SLC9A9: variants seen among roughly 807,000 people sequenced by gnomAD.
The protein encoded by SLC9A9 is sodium/hydrogen exchanger 9.
A neutral mutation model predicts 77.8 loss-of-function variants in SLC9A9; 62 were observed. The observed-to-expected ratio is 0.80, with a 90% CI of 0.65 to 0.98. The LOEUF (loss-of-function observed/expected upper bound fraction) is 0.98, where lower values mean the gene tolerates loss of function less well. Ranked by LOEUF, SLC9A9 falls within the 50% of genes least tolerant of loss-of-function variation. SLC9A9 has a pLI of 0.00. For synonymous variants in SLC9A9, 320 were observed against 283.5 expected (o/e 1.13, Z -1.29); for missense variants, 775 against 774.9 (o/e 1.00, Z 0.00).
At chr3:143,627,312 G>T in intron 6 of SLC9A9, 1 of 201,666 alleles carries the variant, frequency 5.0e-6, no homozygotes, top group African/African-American at 2.3e-5. Context: ...TGCACTTACA[G>T]AGTGCTATGA....
intron 7 of SLC9A9, among the ~76,000 whole-genome samples, chr3:143,574,419 T>C (rs945571368): frequency 1.4e-4 from 22 of 152,304 alleles, no homozygotes; most frequent in Admixed American, 3.9e-4. Flanking sequence ...TTCAAACCTG[T>C]GTTCAGATTA....
chr3:143,332,429 A>C (rs2031800326), intron 14 of SLC9A9, among the ~76,000 whole-genome samples: 1 of 152,220 alleles, frequency 6.6e-6, no homozygotes, highest in Admixed American at 6.5e-5. Flanking sequence ...CTCTATACTG[A>C]TTTGATTATT....
At chr3:143,343,932 C>G (rs1038725263) in intron 14 of SLC9A9, among the ~76,000 whole-genome samples, 1 of 152,130 alleles carries the variant, frequency 6.6e-6, no homozygotes, top group African/African-American at 2.4e-5. Context: ...GTTTACCTAT[C>G]AAATCCATGT....
At chr3:143,623,528 G>A (rs1181263768) in intron 6 of SLC9A9, among the ~76,000 whole-genome samples, 1 of 152,164 alleles carries the variant, frequency 6.6e-6, no homozygotes, top group African/African-American at 2.4e-5. Context: ...GGTATGTAAT[G>A]AAATGAAGGC....
At chr3:143,498,206 C>T (rs57446139) in intron 9 of SLC9A9, among the ~76,000 whole-genome samples, 2,970 of 152,178 alleles carry the variant, frequency 0.02, 91 homozygotes, top group African/African-American at 0.066. Flanking sequence ...GCTCTTTGTT[C>T]GTGTTGTTAT....
At chr3:143,622,283 C>T (rs149073566) in intron 6 of SLC9A9, among the ~76,000 whole-genome samples, 45,198 of 150,932 alleles carry the variant, frequency 0.3, 6,943 homozygotes, top group African/African-American at 0.37. Context: ...AGATACTCCT[C>T]GAGAAGAGTA....
intron 12 of SLC9A9, among the ~76,000 whole-genome samples, chr3:143,400,449 G>A (rs1484673362): frequency 2.6e-5 from 4 of 151,984 alleles, no homozygotes; most frequent in African/African-American, 7.3e-5. Flanking sequence ...AAAACCAAAC[G>A]TCGTATGTTC....
chr3:143,741,799 G>A (rs1019284912), intron 4 of SLC9A9, among the ~76,000 whole-genome samples: 4 of 152,118 alleles, frequency 2.6e-5, no homozygotes, highest in African/African-American at 7.2e-5. Flanking sequence ...AATTATGACT[G>A]AGACAGTGAA....
chr3:143,802,619 C>T (rs1342487167), intron 2 of SLC9A9, among the ~76,000 whole-genome samples: 11 of 152,136 alleles, frequency 7.2e-5, no homozygotes, highest in South Asian at 2.1e-4. Context: ...CTATACAGTC[C>T]GATAACGGAT....
chr3:143,401,857 T>C (rs748711974), intron 12 of SLC9A9, among the ~76,000 whole-genome samples: 10 of 152,184 alleles, frequency 6.6e-5, no homozygotes, highest in Non-Finnish European at 1.3e-4. Context: ...TAAATCAAAA[T>C]ATGCTTTATT....
chr3:143,580,327 G>A (rs899976342), intron 6 of SLC9A9, among the ~76,000 whole-genome samples: 1 of 152,188 alleles, frequency 6.6e-6, no homozygotes, highest in Admixed American at 6.5e-5. Context: ...TTGCACAGTA[G>A]CACAGCTTTA....
At chr3:143,689,810 T>A (rs188470646) in intron 5 of SLC9A9, among the ~76,000 whole-genome samples, 20 of 152,192 alleles carry the variant, frequency 1.3e-4, no homozygotes, top group African/African-American at 4.1e-4. Flanking sequence ...TATAGTGGAA[T>A]GTGTGCATGT....
At chr3:143,389,277 CTGGAGGCA>C (rs2033498805) in intron 12 of SLC9A9, among the ~76,000 whole-genome samples, 1 of 151,988 alleles carries the variant, frequency 6.6e-6, no homozygotes, top group Non-Finnish European at 1.5e-5. Context: ...AAAAAAGAAA[CTGGAGGCA>C]TGGAGGTCAT....
At position 143,266,692 on chromosome 3, in the gene SLC9A9, T is replaced by G; in HGVS notation, c.*10A>C. The G allele has an allele frequency of 6.2e-7, 1 of 1,614,000 alleles. No homozygotes were observed. The highest frequency in any genetic ancestry group is 8.5e-7 in the Non-Finnish European group (1 of 1,179,866). On this transcript the variant is annotated 3_prime_UTR_variant, in exon 16 of 16. Transcript: ENST00000316549. ...ATTACTTGTGATTACATCTGTACTCTTCATGCCAATTAATTCAACTGGGAT... is the reference window on the plus strand; with the variant it reads ...ATTACTTGTGATTACATCTGTACTCGTCATGCCAATTAATTCAACTGGGAT...
intron 2 of SLC9A9, among the ~76,000 whole-genome samples, chr3:143,818,511 T>C (rs904274342): frequency 2.6e-5 from 4 of 152,058 alleles, no homozygotes; most frequent in African/African-American, 9.7e-5. Context: ...TTCACCATGT[T>C]GGCCAGGCTC....
intron 4 of SLC9A9, among the ~76,000 whole-genome samples, chr3:143,752,404 T>C (rs931443005): frequency 9.2e-5 from 14 of 152,196 alleles, no homozygotes; most frequent in Non-Finnish European, 1.5e-4. Flanking sequence ...CTGATAAAGC[T>C]GAGACGATTT....
Position 143,322,900 on chromosome 3 carries a change from G to A in SLC9A9, c.1604+40584C>T, listed in dbSNP as rs191331648. Reference sequence around the variant, plus strand: ...TTGGGGAAAAGACACCAAAGAACACGAATAGACATTTCTCCAAAAAAACAA... The same window carrying A: ...TTGGGGAAAAGACACCAAAGAACACAAATAGACATTTCTCCAAAAAAACAA... On this transcript the variant is annotated intron_variant, in intron 14 of 15. Transcript: ENST00000316549. Among the ~76,000 whole-genome samples the A allele has an allele frequency of 2.5e-4, 38 of 151,982 alleles. 1 individual carries two copies. Among genetic ancestry groups the A allele is most frequent in the Admixed American group, 6.6e-4 (10 of 15,256 alleles).
intron 9 of SLC9A9, among the ~76,000 whole-genome samples, chr3:143,505,230 C>G (rs1408495486): frequency 6.6e-6 from 1 of 152,154 alleles, no homozygotes; most frequent in East Asian, 1.9e-4. Context: ...TCTCTCCCTG[C>G]CCCCAAAAAG....
At chr3:143,694,814 C>T (rs1292043921) in intron 4 of SLC9A9, among the ~76,000 whole-genome samples, 1 of 152,102 alleles carries the variant, frequency 6.6e-6, no homozygotes, top group African/African-American at 2.4e-5. Flanking sequence ...GTTAGTTGCT[C>T]TAGGTAGTCC....
Sources: allele counts gnomAD v4.1 joint callset (sites outside exome capture counted in the v4.1 genomes callset), GRCh38; gene constraint gnomAD v4.1.1; transcripts MANE v1.5; gene names NCBI Gene and HGNC (gene_info 2026-07-23, HGNC 2026-07-21).